The following ZNF568 variants were observed in gnomAD, a reference collection of about 807,000 sequenced individuals.
ZNF568 encodes p53 inhibitor of SCO2 activation.
ZNF568 carries 11 observed loss-of-function variants against 18.1 expected under a neutral mutation model. The observed-to-expected ratio is 0.61, with a 90% CI of 0.38 to 1.00. ZNF568 has a LOEUF of 1.00. Among genes scored for constraint, ZNF568 ranks in the 50% least tolerant of loss-of-function variants. ZNF568 has a pLI of 0.01. For missense variants in ZNF568, 639 were observed against 768.2 expected (o/e 0.83, Z 1.99); for synonymous variants, 213 against 246.6 (o/e 0.86, Z 1.28).
chr19:36,936,655 C>T (rs1307119117), intron 4 of ZNF568, 91 bp from the exon 5 acceptor site: 2 of 1,286,752 alleles, frequency 1.6e-6, no homozygotes, highest in East Asian at 2.4e-5. Flanking sequence ...TACCTCTGAC[C>T]CCTGAGTACC....
chr19:36,926,197 T>A (rs957202289), intron 4 of ZNF568, among the ~76,000 whole-genome samples: 2 of 152,204 alleles, frequency 1.3e-5, no homozygotes, highest in Non-Finnish European at 1.5e-5. Flanking sequence ...TCAGAAGATA[T>A]AGTCTTCATC....
At chr19:36,926,628 G>C (rs8109596) in intron 4 of ZNF568, among the ~76,000 whole-genome samples, 4,769 of 152,230 alleles carry the variant, frequency 0.031, 101 homozygotes, top group Non-Finnish European at 0.047. Context: ...GATAGGCATT[G>C]TTATTTTTTT....
chr19:36,925,828 G>A (rs117847058), intron 4 of ZNF568, among the ~76,000 whole-genome samples: 84 of 152,182 alleles, frequency 5.5e-4, no homozygotes, highest in Non-Finnish European at 7.6e-4. Flanking sequence ...TAAAGTATAC[G>A]GGAGGACGTA....
chr19:36,933,535 C>T (rs2073724421), intron 4 of ZNF568, among the ~76,000 whole-genome samples: 1 of 152,084 alleles, frequency 6.6e-6, no homozygotes, highest in Non-Finnish European at 1.5e-5. Context: ...TGATGTATTA[C>T]ATTAATTATC....
At chr19:36,924,662 C>T (rs538491517) in intron 3 of ZNF568, among the ~76,000 whole-genome samples, 7 of 150,758 alleles carry the variant, frequency 4.6e-5, no homozygotes, top group Non-Finnish European at 1.0e-4. Context: ...AACCCCTTCT[C>T]TACTAAAAAT....
intron 6 of ZNF568, among the ~76,000 whole-genome samples, chr19:36,944,711 G>A (rs2073934676): frequency 6.6e-6 from 1 of 152,090 alleles, no homozygotes; most frequent in African/African-American, 2.4e-5. Context: ...AACCAAAAAT[G>A]TCTGTAGACC....
chr19:36,958,792 TG>T (rs1456336955), intron 6 of ZNF568, among the ~76,000 whole-genome samples: 1 of 151,836 alleles, frequency 6.6e-6, no homozygotes, highest in Non-Finnish European at 1.5e-5. Flanking sequence ...CTAATTTTTT[TG>T]TATTGTTAGT....
intron 2 of ZNF568, among the ~76,000 whole-genome samples, chr19:36,920,066 T>C (rs1223865415): frequency 2.0e-5 from 3 of 152,156 alleles, no homozygotes; most frequent in African/African-American, 7.2e-5. Context: ...TAGAATGTGA[T>C]AGCTCTGTGT....
chr19:36,950,130 G>A lies in ZNF568; in HGVS notation c.977G>A (p.Arg326Gln), dbSNP rs753710178. Residue 326 changes from arginine (R) to glutamine (Q), a missense_variant, in exon 7 of 7, where the codon CGA becomes CAA. Physicochemically the swap from Arg to Gln is conservative, Grantham distance 43 (BLOSUM62 1). Coordinates refer to ENST00000333987, the MANE Select transcript of ZNF568 (RefSeq NM_198539.4). ...SQKSNLIEHE[R>Q]IHTGEKPYEC... ...AAATCAAATCTCATTGAACATGAGC[G>A]AATTCACACTGGAGAGAAACCCTAT... 9.3e-6 allele frequency: 15 copies of A among 1,613,868 alleles called. No individual in the cohort carries two copies. Among genetic ancestry groups the A allele is most frequent in the African/African-American group, 1.3e-5 (1 of 75,010 alleles).
Position 36,949,629 on chromosome 19 carries a change from C to T in ZNF568, c.476C>T (p.Ala159Val), listed in dbSNP as rs765837806. Residue 159 changes from alanine (A) to valine (V), a missense_variant, in exon 7 of 7, where the codon GCG becomes GTG. Transcript: ENST00000333987. ...AAAGTCATTGAATGTAAAAAAGTTGCGAAAATATTTCCTCTGAGTTCAGAC... is the reference window on the plus strand; with the variant it reads ...AAAGTCATTGAATGTAAAAAAGTTGTGAAAATATTTCCTCTGAGTTCAGAC... ...KEKVIECKKV[A>V]KIFPLSSDIV... 1.5e-5 allele frequency: 25 copies of T among 1,613,452 alleles called. No individual in the cohort carries two copies. In the African/African-American group the frequency reaches 1.9e-4, roughly 12 times the overall value.
chr19:36,949,625 G>A lies in ZNF568; in HGVS notation c.472G>A (p.Val158Ile), dbSNP rs1270003319. The A allele has an allele frequency of 1.2e-6, 2 of 1,613,640 alleles. No homozygotes were observed. The highest frequency in any genetic ancestry group is 2.2e-5 in the East Asian group (1 of 44,834). Residue 158 changes from valine to isoleucine, a missense_variant, in exon 7 of 7, where the codon GTT (valine) becomes ATT (isoleucine). Transcript: ENST00000333987. ...GGAAAAAGTCATTGAATGTAAAAAAGTTGCGAAAATATTTCCTCTGAGTTC... is the reference window on the plus strand; with the variant it reads ...GGAAAAAGTCATTGAATGTAAAAAAATTGCGAAAATATTTCCTCTGAGTTC... Reference protein sequence around the residue: ...IKEKVIECKKVAKIFPLSSDI... With the variant: ...IKEKVIECKKIAKIFPLSSDI...
Position 36,997,129 on chromosome 19 carries a change from G to T in ZNF568, c.1042G>T (p.Glu348Ter). Reference sequence around the variant, plus strand: ...AATCCATACTGGTGAAAGACGCTATGAATGCAGGGAGTGTGGAAAGGTGTA... The same window carrying T: ...AATCCATACTGGTGAAAGACGCTATTAATGCAGGGAGTGTGGAAAGGTGTA... The change falls in exon 5 of 5, where the codon GAA becomes TAA. Residue 348 changes from glutamate (E) to a stop codon, truncating the protein, a stop_gained. Coordinates refer to the ZNF568 transcript ENST00000433993. LOFTEE classifies it low-confidence loss of function (END_TRUNC). 6.4e-7 allele frequency: 1 copy of T among 1,572,346 alleles called. No homozygotes were observed.
At chr19:36,984,527 A>G (rs1039512000), downstream of ZNF568, among the ~76,000 whole-genome samples, 1 of 152,170 alleles carries the variant, frequency 6.6e-6, no homozygotes, top group Non-Finnish European at 1.5e-5. Flanking sequence ...TTTTTAACCC[A>G]TAAGAAATTT....
intron 7 of ZNF568, among the ~76,000 whole-genome samples, chr19:36,977,048 A>T (rs1160258879): frequency 1.3e-5 from 2 of 152,178 alleles, no homozygotes; most frequent in African/African-American, 4.8e-5. Context: ...TTTGTCATTT[A>T]TACGTTGTTT....
In ZNF568 at chr19:36,916,516, T is replaced by C. The variant is rs1318547045; in HGVS notation, c.-331T>C. The C allele has an allele frequency of 6.6e-6, 1 of 152,374 alleles. No homozygotes were observed. Among genetic ancestry groups the C allele is most frequent in the African/African-American group, 2.4e-5 (1 of 41,420 alleles). The allele number at this position is 152,374 out of a possible 1,614,324, so 9.4% of individuals were successfully genotyped here. ...CAGGGGGCGAGCAAGGGACTCGCGG[T>C]TGACGGGACACGGATCCTCTAAGGC... On this transcript the variant is annotated 5_prime_UTR_variant, in exon 1 of 7. Coordinates refer to ENST00000333987, the MANE Select transcript of ZNF568 (RefSeq NM_198539.4). The surrounding 1 kb of genome is among the most constrained non-coding windows in gnomAD (Gnocchi z 5.3).
intron 6 of ZNF568, chr19:36,973,434 G>T (rs1160732322): frequency 1.3e-5 from 2 of 153,576 alleles, no homozygotes; most frequent in Non-Finnish European, 2.9e-5. Flanking sequence ...GATGGGGAAG[G>T]AAGAGAGTGT....
Position 36,951,165 on chromosome 19 carries a change from T to C in ZNF568, c.*77T>C. 1 of 1,405,030 alleles carries C rather than the reference T, an allele frequency of 7.1e-7. No homozygotes were observed. Among genetic ancestry groups the C allele is most frequent in the Non-Finnish European group, 9.4e-7 (1 of 1,064,576 alleles). The allele number at this position is 1,405,030 out of a possible 1,614,324, so 87.0% of individuals were successfully genotyped here. A position where few individuals can be genotyped will look rare whatever the true frequency, so the allele number is the denominator to read the frequency against. On this transcript the variant is annotated 3_prime_UTR_variant, in exon 7 of 7. Coordinates refer to ENST00000333987, the MANE Select transcript of ZNF568 (RefSeq NM_198539.4). ...CATAAGCTCAAAAAAGCCAGGATCT[T>C]TATGGAAAAATTTTAATACTTTGTT...
At chr19:36,968,102 C>T (rs1208924370) in intron 6 of ZNF568, among the ~76,000 whole-genome samples, 2 of 152,050 alleles carry the variant, frequency 1.3e-5, no homozygotes, top group African/African-American at 2.4e-5. Flanking sequence ...TTATCCAACA[C>T]TGAAGAATAA....
At chr19:36,984,692 T>G (rs1157135984), downstream of ZNF568, among the ~76,000 whole-genome samples, 4 of 152,268 alleles carry the variant, frequency 2.6e-5, no homozygotes, top group African/African-American at 9.6e-5. Context: ...GTGTTTGTTT[T>G]TTTTTTAACA....
Sources: gnomAD v4.1 joint callset for allele counts (sites outside exome capture counted in the v4.1 genomes callset) on GRCh38, gnomAD v4.1.1 for gene constraint, Gnocchi (gnomAD v3.1) non-coding constraint, MANE v1.5 for transcripts, NCBI Gene and HGNC (gene_info 2026-07-23, HGNC 2026-07-21) for gene names.